The following BACH2 variants were observed in gnomAD, a reference collection of about 807,000 sequenced individuals.
BACH2 encodes the protein BACH transcriptional regulator 2, also known as transcription regulator protein BACH2.
Under a neutral mutation model 61.8 loss-of-function variants are expected in BACH2, and 5 were observed. The ratio of observed to expected loss-of-function variants is 0.08; its 90% CI spans 0.04 to 0.17. BACH2 has a LOEUF of 0.17. Among genes scored for constraint, BACH2 ranks in the 10% least tolerant of loss-of-function variants. The pLI is 1.00. For synonymous variants in BACH2, 446 were observed against 440.1 expected (o/e 1.01, Z -0.17); for missense variants, 824 against 1,091.1 (o/e 0.76, Z 3.45).
At chr6:89,970,697 TG>T in intron 6 of BACH2, among the ~76,000 whole-genome samples, 1 of 151,136 alleles carries the variant, frequency 6.6e-6, no homozygotes, top group African/African-American at 2.5e-5. Flanking sequence ...AATTTGTTTC[TG>T]GCCCCCCCCA....
chr6:90,079,500 T>C (rs971173722), intron 5 of BACH2, among the ~76,000 whole-genome samples: 9 of 152,234 alleles, frequency 5.9e-5, no homozygotes, highest in Non-Finnish European at 1.0e-4. Context: ...AATTTGTTTA[T>C]GTATGAGTTG....
At chr6:90,016,136 C>T (rs1778046764) in intron 5 of BACH2, among the ~76,000 whole-genome samples, 1 of 151,966 alleles carries the variant, frequency 6.6e-6, no homozygotes, top group Non-Finnish European at 1.5e-5. Context: ...ATTCTTTTAA[C>T]CTTTTTGTGT....
chr6:89,939,923 A>G (rs1305591473), intron 7 of BACH2, among the ~76,000 whole-genome samples: 2 of 150,364 alleles, frequency 1.3e-5, no homozygotes, highest in Non-Finnish European at 3.0e-5. Context: ...GCTGGTTTCA[A>G]ACTCCTGGGC....
intron 5 of BACH2, among the ~76,000 whole-genome samples, chr6:90,014,460 ATATATATATTT>A (rs1777926946): frequency 1.1e-4 from 8 of 72,184 alleles, no homozygotes; most frequent in African/African-American, 5.7e-4. Context: ...ATATATATAT[ATATATATATTT>A]TTTTTTTTTT....
At chr6:90,030,944 A>G (rs1324078007) in intron 5 of BACH2, among the ~76,000 whole-genome samples, 1 of 130,256 alleles carries the variant, frequency 7.7e-6, no homozygotes, top group Non-Finnish European at 1.6e-5. Context: ...ACATTGATGC[A>G]AAAATCCTCA....
rs535889279 is a variant in BACH2, at chr6:90,001,695, T to C, written c.243+6907A>G. ...GATGGGACAAAGCATAAAGAGCTTA[T>C]ACCTACTTTTGACTGCCTTGGAGCA... On this transcript the variant is annotated intron_variant, in intron 6 of 8. Transcript: ENST00000257749. Among the ~76,000 whole-genome samples, 6 of 152,310 alleles carry C rather than the reference T, an allele frequency of 3.9e-5. No individual in the cohort carries two copies. In the South Asian group the frequency reaches 1.0e-3, roughly 26 times the overall value.
At chr6:89,990,808 T>C (rs1776503913) in intron 6 of BACH2, among the ~76,000 whole-genome samples, 1 of 152,242 alleles carries the variant, frequency 6.6e-6, no homozygotes, top group African/African-American at 2.4e-5. Context: ...GCTTACTGTC[T>C]GTCATCCCTA....
intron 4 of BACH2, among the ~76,000 whole-genome samples, chr6:90,112,346 T>TAC (rs1783210064): frequency 6.6e-6 from 1 of 152,068 alleles, no homozygotes; most frequent in East Asian, 1.9e-4. Context: ...TAAAGGCAAC[T>TAC]AGAGAGAAAG....
At chr6:90,003,481 A>G (rs1263324362) in intron 6 of BACH2, among the ~76,000 whole-genome samples, 2 of 152,212 alleles carry the variant, frequency 1.3e-5, no homozygotes, top group African/African-American at 4.8e-5. Context: ...GGCATCTAAC[A>G]AAGTATATTT....
chr6:89,945,903 C>T (rs9351230), intron 7 of BACH2, among the ~76,000 whole-genome samples: 93,900 of 151,996 alleles, frequency 0.62, 29,274 homozygotes, highest in East Asian at 0.85. Flanking sequence ...GTGCATACTG[C>T]TTTGTGATTT....
intron 3 of BACH2, among the ~76,000 whole-genome samples, chr6:90,237,138 T>C (rs893458488): frequency 2.6e-5 from 4 of 152,184 alleles, no homozygotes; most frequent in Admixed American, 2.6e-4. Context: ...TTAGCCAGGA[T>C]GGTCTCGATC....
chr6:89,933,412 T>C (rs62408167), intron 8 of BACH2, among the ~76,000 whole-genome samples: 11,809 of 152,102 alleles, frequency 0.078, 668 homozygotes, highest in East Asian at 0.33. Flanking sequence ...CACAGAGGAT[T>C]TGGGGGCAGT....
At chr6:89,941,101 G>A (rs918230688) in intron 7 of BACH2, among the ~76,000 whole-genome samples, 3 of 152,186 alleles carry the variant, frequency 2.0e-5, no homozygotes, top group Admixed American at 2.0e-4. Context: ...CCTCGATAGT[G>A]TTCAGATGCT....
At chr6:89,957,891 T>C (rs1303999460) in intron 6 of BACH2, among the ~76,000 whole-genome samples, 1 of 152,200 alleles carries the variant, frequency 6.6e-6, no homozygotes, top group Non-Finnish European at 1.5e-5. Flanking sequence ...ATTCCTAAGG[T>C]AATAATATAA....
intron 5 of BACH2, among the ~76,000 whole-genome samples, chr6:90,023,170 A>T (rs962310622): frequency 6.6e-6 from 1 of 152,214 alleles, no homozygotes; most frequent in Non-Finnish European, 1.5e-5. Context: ...GATAAAAAAC[A>T]TCTAGGGATA....
At chr6:90,203,907 G>C (rs1769045277) in intron 4 of BACH2, among the ~76,000 whole-genome samples, 3 of 152,138 alleles carry the variant, frequency 2.0e-5, no homozygotes, top group Admixed American at 6.6e-5. Flanking sequence ...TCAAGAATGT[G>C]AGGAATGAAG....
At chr6:89,962,429 A>G (rs1180626985) in intron 6 of BACH2, among the ~76,000 whole-genome samples, 2 of 152,140 alleles carry the variant, frequency 1.3e-5, no homozygotes, top group Admixed American at 6.5e-5. Context: ...TTACGCTCCA[A>G]AGAGAACCAC....
chr6:90,190,472 C>T (rs576340645), intron 4 of BACH2, among the ~76,000 whole-genome samples: 24 of 152,236 alleles, frequency 1.6e-4, no homozygotes, highest in Non-Finnish European at 3.1e-4. Context: ...TTCCAGAACA[C>T]TTATCTTACA....
At chr6:90,050,832 C>T (rs981797554) in intron 5 of BACH2, among the ~76,000 whole-genome samples, 8 of 151,082 alleles carry the variant, frequency 5.3e-5, no homozygotes, top group Non-Finnish European at 8.8e-5. Context: ...TGCAATGGCG[C>T]GATCTCGGTT....
Sources: allele counts gnomAD v4.1 joint callset (sites outside exome capture counted in the v4.1 genomes callset), GRCh38; gene constraint gnomAD v4.1.1; transcripts MANE v1.5; gene names NCBI Gene and HGNC (gene_info 2026-07-23, HGNC 2026-07-21).